STEAP1B: variants seen among roughly 807,000 people sequenced by gnomAD.
STEAP1B encodes STEAP family protein MGC87042.
Under a neutral mutation model 27.9 loss-of-function variants are expected in STEAP1B, and 13 were observed. The observed-to-expected ratio is 0.47, with a 90% CI of 0.30 to 0.74. The LOEUF (loss-of-function observed/expected upper bound fraction) is 0.74, where lower values mean the gene tolerates loss of function less well. Ranked by LOEUF, STEAP1B falls within the 30% of genes least tolerant of loss-of-function variation. STEAP1B has a pLI of 0.06. For missense variants in STEAP1B, 250 were observed against 298.7 expected, an observed-to-expected ratio of 0.84 and a Z score of 1.20; for synonymous variants, 86 against 107.1, an observed-to-expected ratio of 0.80 and a Z score of 1.22.
At chr7:22,456,961 T>TAC (rs1349620605) in intron 4 of STEAP1B, among the ~76,000 whole-genome samples, 1 of 52,726 alleles carries the variant, frequency 1.9e-5, no homozygotes, top group African/African-American at 6.0e-5. Context: ...GCTATATATA[T>TAC]ATATATATAT....
At chr7:22,459,580 G>A (rs149611102) in intron 4 of STEAP1B, among the ~76,000 whole-genome samples, 2 of 152,308 alleles carry the variant, frequency 1.3e-5, no homozygotes, top group East Asian at 1.9e-4. Flanking sequence ...TACACATATA[G>A]TAAATGATTT....
intron 4 of STEAP1B, among the ~76,000 whole-genome samples, chr7:22,432,109 C>G (rs761208040): frequency 1.3e-5 from 2 of 152,086 alleles, no homozygotes; most frequent in Non-Finnish European, 2.9e-5. Context: ...AAAAGAGACT[C>G]TAGAGAGACC....
intron 4 of STEAP1B, among the ~76,000 whole-genome samples, chr7:22,492,060 G>A (rs909958615): frequency 8.6e-5 from 13 of 151,960 alleles, no homozygotes; most frequent in African/African-American, 2.7e-4. Flanking sequence ...GGTGGCTCAC[G>A]TCTGTAATCC....
chr7:22,436,033 A>G (rs1007759892), intron 4 of STEAP1B, among the ~76,000 whole-genome samples: 14 of 152,262 alleles, frequency 9.2e-5, no homozygotes, highest in African/African-American at 3.4e-4. Context: ...AGCCTCACCA[A>G]TCCTTAGGTG....
intron 4 of STEAP1B, among the ~76,000 whole-genome samples, chr7:22,455,916 G>A (rs1168210157): frequency 6.6e-6 from 1 of 152,218 alleles, no homozygotes; most frequent in Non-Finnish European, 1.5e-5. Flanking sequence ...GGGAGGCCGA[G>A]GAGGGCAGAT....
chr7:22,464,461 A>G (rs1327451491), intron 4 of STEAP1B, among the ~76,000 whole-genome samples: 1 of 152,134 alleles, frequency 6.6e-6, no homozygotes, highest in Non-Finnish European at 1.5e-5. Context: ...GGGCCAATAA[A>G]CAATACAAGG....
At chr7:22,448,377 T>C (rs192642126) in intron 4 of STEAP1B, among the ~76,000 whole-genome samples, 2 of 152,320 alleles carry the variant, frequency 1.3e-5, no homozygotes, top group Admixed American at 1.3e-4. Context: ...TTAAAATACA[T>C]GAATGATCTT....
At chr7:22,477,824 C>T (rs1413810088) in intron 4 of STEAP1B, among the ~76,000 whole-genome samples, 1 of 152,108 alleles carries the variant, frequency 6.6e-6, no homozygotes, top group East Asian at 1.9e-4. Context: ...TTTAATCTTC[C>T]TTTGTTCTTT....
In STEAP1B at chr7:22,474,629, T is replaced by C. The variant is rs115599924; in HGVS notation, c.762+17936A>G. Among the ~76,000 whole-genome samples, 315 of 152,338 alleles carry C rather than the reference T, an allele frequency of 2.1e-3. 1 individual carries two copies. Among genetic ancestry groups the C allele is most frequent in the African/African-American group, 7.2e-3 (298 of 41,574 alleles). On this transcript the variant is annotated intron_variant, in intron 4 of 4. Coordinates refer to ENST00000678116, the MANE Select transcript of STEAP1B (RefSeq NM_001382447.1). Reference sequence around the variant, plus strand: ...AAGATAAGCTAAAACTGTCATCGTATACAGGGTGCTGCTGTTGATGGGCTT... The same window carrying C: ...AAGATAAGCTAAAACTGTCATCGTACACAGGGTGCTGCTGTTGATGGGCTT...
chr7:22,490,736 G>A (rs7780874), intron 4 of STEAP1B, among the ~76,000 whole-genome samples: 13,101 of 152,206 alleles, frequency 0.086, 650 homozygotes, highest in African/African-American at 0.096. Context: ...GAGTGTTCCC[G>A]TTCTTTCATG....
At chr7:22,491,460 T>C (rs1345720585) in intron 4 of STEAP1B, among the ~76,000 whole-genome samples, 1 of 152,110 alleles carries the variant, frequency 6.6e-6, no homozygotes, top group African/African-American at 2.4e-5. Context: ...AACAAAAATA[T>C]CATGAGAGCG....
At chr7:22,472,423 G>A (rs1161761309) in intron 4 of STEAP1B, among the ~76,000 whole-genome samples, 1 of 152,124 alleles carries the variant, frequency 6.6e-6, no homozygotes, top group Non-Finnish European at 1.5e-5. Flanking sequence ...TATCAGCTTG[G>A]CGTCTTTGAT....
intron 4 of STEAP1B, chr7:22,438,749 G>T: frequency 6.5e-7 from 1 of 1,547,984 alleles, no homozygotes; most frequent in Non-Finnish European, 8.7e-7. Context: ...CTTCCAGTCA[G>T]TATAGCCTAG....
rs924250768 is a variant in STEAP1B, at chr7:22,452,265, A to G, written c.763-32429T>C. On this transcript the variant is annotated intron_variant, in intron 4 of 4. Coordinates refer to ENST00000678116, the MANE Select transcript of STEAP1B (RefSeq NM_001382447.1). ...AACAGGCTGCCAGAGGGTGCTCGTC[A>G]CAGCACCCTGAGAACTGTCACCACT... 3.9e-5 allele frequency among the ~76,000 whole-genome samples: 6 copies of G among 152,328 alleles called. No homozygotes were observed. In the East Asian group the frequency reaches 1.2e-3, roughly 29 times the overall value.
chr7:22,442,176 TAA>T (rs34146369), intron 4 of STEAP1B, among the ~76,000 whole-genome samples: 1 of 152,144 alleles, frequency 6.6e-6, no homozygotes, highest in Non-Finnish European at 1.5e-5. Flanking sequence ...CAATGATGGG[TAA>T]AAAGACTGCA....
intron 4 of STEAP1B, among the ~76,000 whole-genome samples, chr7:22,456,320 G>A (rs1004482085): frequency 3.3e-5 from 5 of 152,168 alleles, no homozygotes; most frequent in Non-Finnish European, 5.9e-5. Flanking sequence ...AAGAAATCGT[G>A]CTTAAAAACC....
intron 2 of STEAP1B, 92 bp downstream of exon 2, chr7:22,494,680 T>C: frequency 2.1e-6 from 2 of 935,084 alleles, no homozygotes; most frequent in Non-Finnish European, 3.1e-6. Flanking sequence ...GGGTGAAAAA[T>C]CACTTTCATA....
At chr7:22,498,064 T>C (rs4722148) in intron 1 of STEAP1B, among the ~76,000 whole-genome samples, 132,947 of 152,088 alleles carry the variant, frequency 0.87, 58,194 homozygotes, top group African/African-American at 0.91. Flanking sequence ...AGGGTTCATG[T>C]ACTTAGGAGA....
chr7:22,485,973 G>A (rs766501152), intron 4 of STEAP1B, among the ~76,000 whole-genome samples: 7 of 152,118 alleles, frequency 4.6e-5, no homozygotes, highest in East Asian at 3.9e-4. Flanking sequence ...GATAATACAC[G>A]TACACAGCTA....
Sources: gnomAD v4.1 joint callset for allele counts (sites outside exome capture counted in the v4.1 genomes callset) on GRCh38, gnomAD v4.1.1 for gene constraint, MANE v1.5 for transcripts, NCBI Gene and HGNC (gene_info 2026-07-23, HGNC 2026-07-21) for gene names.